MACROD2: variants seen among roughly 807,000 people sequenced by gnomAD.
MACROD2 encodes the protein ADP-ribose glycohydrolase MACROD2.
A neutral mutation model predicts 70.4 loss-of-function variants in MACROD2; 36 were observed. The observed-to-expected ratio is 0.51, with a 90% CI of 0.39 to 0.68. The LOEUF (loss-of-function observed/expected upper bound fraction) is 0.68, where lower values mean the gene tolerates loss of function less well. Ranked by LOEUF, MACROD2 falls within the 30% of genes least tolerant of loss-of-function variation. The pLI is 0.00. For missense variants in MACROD2, 496 were observed against 538.4 expected (o/e 0.92, Z 0.78); for synonymous variants, 172 against 178.8 (o/e 0.96, Z 0.30).
At chr20:14,316,845 C>G (rs1296294131) in intron 3 of MACROD2, among the ~76,000 whole-genome samples, 25 of 152,190 alleles carry the variant, frequency 1.6e-4, no homozygotes, top group Admixed American at 1.6e-3. Context: ...CATACAGTAG[C>G]TAGAGTGACC....
At chr20:15,916,182 C>T in intron 10 of MACROD2, among the ~76,000 whole-genome samples, 1 of 152,160 alleles carries the variant, frequency 6.6e-6, no homozygotes, top group East Asian at 1.9e-4. Flanking sequence ...CCCACCTTCC[C>T]ACACACACCC....
chr20:14,327,602 G>C, intron 3 of MACROD2: 1 of 1,299,660 alleles, frequency 7.7e-7, no homozygotes, highest in Non-Finnish European at 1.0e-6. Context: ...AATAAGGCCA[G>C]CATACTGAAT....
At chr20:15,864,199 T>A (rs139466286) in intron 9 of MACROD2, among the ~76,000 whole-genome samples, 13 of 152,318 alleles carry the variant, frequency 8.5e-5, no homozygotes, top group African/African-American at 2.6e-4. Context: ...ATTAAATAAA[T>A]TTTTCTTGCC....
intron 3 of MACROD2, among the ~76,000 whole-genome samples, chr20:14,442,906 C>A (rs1318534752): frequency 7.2e-5 from 11 of 152,080 alleles, no homozygotes; most frequent in Admixed American, 2.0e-4. Context: ...GAAACCCCGT[C>A]TCTACTAAAA....
intron 8 of MACROD2, among the ~76,000 whole-genome samples, chr20:15,600,354 G>A (rs1353676856): frequency 1.3e-5 from 2 of 151,974 alleles, no homozygotes; most frequent in Non-Finnish European, 1.5e-5. Context: ...TTGTTGTTCC[G>A]GCTAACAAGA....
intron 8 of MACROD2, among the ~76,000 whole-genome samples, chr20:15,808,695 A>G (rs770744931): frequency 3.3e-5 from 5 of 152,202 alleles, no homozygotes; most frequent in Non-Finnish European, 5.9e-5. Flanking sequence ...ATAATAAGAA[A>G]TAAAGGATCT....
chr20:15,189,856 A>G (rs973034520), intron 5 of MACROD2, among the ~76,000 whole-genome samples: 2 of 151,920 alleles, frequency 1.3e-5, no homozygotes, highest in African/African-American at 4.8e-5. Flanking sequence ...TTTTTTTCCA[A>G]CGGTAGAACC....
At chr20:16,033,857 T>TGCGGG (rs142080085) in intron 15 of MACROD2, among the ~76,000 whole-genome samples, 19 of 140,814 alleles carry the variant, frequency 1.3e-4, no homozygotes, top group East Asian at 6.7e-4. Context: ...CAGTAGGGGG[T>TGCGGG]GGGGTGGGGG....
At chr20:15,747,442 G>A (rs569492176) in intron 8 of MACROD2, among the ~76,000 whole-genome samples, 22 of 152,150 alleles carry the variant, frequency 1.4e-4, no homozygotes, top group Non-Finnish European at 2.8e-4. Context: ...AGGCAGTATC[G>A]AGAGTCCTTA....
intron 3 of MACROD2, among the ~76,000 whole-genome samples, chr20:14,150,070 T>TC (rs2054996953): frequency 6.6e-6 from 1 of 152,052 alleles, no homozygotes; most frequent in Non-Finnish European, 1.5e-5. Context: ...TCCCCACCTT[T>TC]CCCCCATCAT....
At chr20:14,443,081 GA>G (rs990678904) in intron 3 of MACROD2, among the ~76,000 whole-genome samples, 78 of 129,052 alleles carry the variant, frequency 6.0e-4, no homozygotes, top group Admixed American at 5.4e-4. Flanking sequence ...TCTGTCTCAA[GA>G]AAAAAAAAAA....
intron 3 of MACROD2, among the ~76,000 whole-genome samples, chr20:14,402,579 T>C (rs776584629): frequency 2.6e-5 from 4 of 152,068 alleles, no homozygotes; most frequent in Non-Finnish European, 5.9e-5. Flanking sequence ...GCTACAAAGG[T>C]TAAATCCCAG....
chr20:14,541,963 G>A (rs931359955), intron 4 of MACROD2, among the ~76,000 whole-genome samples: 2 of 152,160 alleles, frequency 1.3e-5, no homozygotes, highest in Non-Finnish European at 2.9e-5. Context: ...TAATCTGGGA[G>A]ACTTATAGGC....
At chr20:14,737,311 C>T (rs1340794276) in intron 5 of MACROD2, among the ~76,000 whole-genome samples, 2 of 152,136 alleles carry the variant, frequency 1.3e-5, no homozygotes, top group African/African-American at 4.8e-5. Context: ...GCAGAGTATT[C>T]CATGGTGTAT....
At chr20:15,408,127 T>C (rs1311521334) in intron 6 of MACROD2, among the ~76,000 whole-genome samples, 1 of 152,186 alleles carries the variant, frequency 6.6e-6, no homozygotes, top group East Asian at 1.9e-4. Context: ...TTATGTAAGA[T>C]TTTGAGGAGT....
chr20:15,986,238 C>T (rs570429467), intron 13 of MACROD2, among the ~76,000 whole-genome samples: 6 of 152,298 alleles, frequency 3.9e-5, no homozygotes, highest in African/African-American at 1.4e-4. Flanking sequence ...GGGTCTCTCT[C>T]TTCCCTCAGA....
chr20:14,069,827 T>C (rs766413122), intron 2 of MACROD2, among the ~76,000 whole-genome samples: 17 of 151,550 alleles, frequency 1.1e-4, no homozygotes, highest in Non-Finnish European at 2.4e-4. Flanking sequence ...CTTTGACCAA[T>C]GGGACTGCAG....
intron 6 of MACROD2, among the ~76,000 whole-genome samples, chr20:15,293,018 T>G (rs541222095): frequency 6.6e-6 from 1 of 152,172 alleles, no homozygotes; most frequent in South Asian, 2.1e-4. Flanking sequence ...TTGAATCTCT[T>G]TAGTGACAGA....
intron 5 of MACROD2, among the ~76,000 whole-genome samples, chr20:14,914,720 A>C (rs534079335): frequency 6.6e-6 from 1 of 152,224 alleles, no homozygotes; most frequent in South Asian, 2.1e-4. Context: ...CTAAATCTAT[A>C]TATCTGAGTT....
Sources: gnomAD v4.1 joint callset for allele counts (sites outside exome capture counted in the v4.1 genomes callset) on GRCh38, gnomAD v4.1.1 for gene constraint, MANE v1.5 for transcripts, NCBI Gene and HGNC (gene_info 2026-07-23, HGNC 2026-07-21) for gene names.